Variants in CAMTA1 observed in about 807,000 individuals in gnomAD.
The protein encoded by CAMTA1 is calmodulin-binding transcription activator 1.
Under a neutral mutation model 170.9 loss-of-function variants are expected in CAMTA1, and 27 were observed. The ratio of observed to expected loss-of-function variants is 0.16; its 90% confidence interval spans 0.12 to 0.22. The LOEUF is 0.22. Ranked by LOEUF, CAMTA1 falls within the 10% of genes least tolerant of loss-of-function variation. The pLI is 1.00. For missense variants in CAMTA1, 1,619 were observed against 2,217.2 expected (o/e 0.73, Z 5.42); for synonymous variants, 833 against 891.5 (o/e 0.93, Z 1.17).
intron 3 of CAMTA1, among the ~76,000 whole-genome samples, chr1:6,866,147 A>G (rs886429711): frequency 1.1e-4 from 16 of 152,354 alleles, no homozygotes; most frequent in African/African-American, 3.1e-4. Context: ...GGCAGTATTT[A>G]TCTTAAAGTG....
intron 3 of CAMTA1, among the ~76,000 whole-genome samples, chr1:6,829,312 A>G (rs777223470): frequency 2.6e-5 from 4 of 152,334 alleles, no homozygotes; most frequent in Admixed American, 1.3e-4. Flanking sequence ...CTAAGAAGGT[A>G]AGAGAGATCG....
chr1:7,157,968 A>C (rs1259258047), intron 4 of CAMTA1, among the ~76,000 whole-genome samples: 3 of 152,080 alleles, frequency 2.0e-5, no homozygotes, highest in African/African-American at 4.8e-5. Flanking sequence ...GACCATCCTG[A>C]CTAACACAGT....
At chr1:7,658,097 G>A (rs1294555159) in intron 7 of CAMTA1, among the ~76,000 whole-genome samples, 2 of 152,292 alleles carry the variant, frequency 1.3e-5, no homozygotes, top group Middle Eastern at 3.4e-3. Context: ...CAAGTGGGGT[G>A]TAGCCTGAAG....
rs147080589 is a variant in CAMTA1, at chr1:7,344,206, G to A, written c.438+94580G>A. ...TTGGAGCCGGCCTGAAGGGGCCTGG[G>A]CCTCTTTCTCCCTGTGGAGGCTAAG... On this transcript the variant is annotated intron_variant, in intron 5 of 22. Coordinates refer to ENST00000303635, the MANE Select transcript of CAMTA1 (RefSeq NM_015215.4). Among the ~76,000 whole-genome samples the A allele has an allele frequency of 3.8e-3, 586 of 152,342 alleles. 3 individuals are homozygous for A. The highest frequency in any genetic ancestry group is 0.012 in the African/African-American group (503 of 41,570).
At chr1:7,505,004 C>G (rs192793300) in intron 6 of CAMTA1, among the ~76,000 whole-genome samples, 56 of 149,608 alleles carry the variant, frequency 3.7e-4, no homozygotes, top group African/African-American at 1.2e-3. Flanking sequence ...CGCACAGCCT[C>G]CTTCACGGGC....
In CAMTA1 at chr1:7,748,689, A is replaced by G. The variant is rs900985287; in HGVS notation, c.4689+908A>G. On this transcript the variant is annotated intron_variant, in intron 19 of 22. Coordinates refer to ENST00000303635, the MANE Select transcript of CAMTA1 (RefSeq NM_015215.4). The surrounding 1 kb of genome is among the most constrained non-coding windows in gnomAD (Gnocchi z 4.7). ...TTTAATCTTTGGCCATTTTCCTTTC[A>G]GCTTCTTATCCATTTTAAAATGAAG... Among the ~76,000 whole-genome samples, 4 of 152,198 alleles carry G rather than the reference A, an allele frequency of 2.6e-5. No individual in the cohort carries two copies. Among genetic ancestry groups the G allele is most frequent in the African/African-American group, 9.6e-5 (4 of 41,454 alleles).
intron 5 of CAMTA1, among the ~76,000 whole-genome samples, chr1:7,282,451 C>T (rs1557434150): frequency 6.6e-6 from 1 of 152,190 alleles, no homozygotes; most frequent in Non-Finnish European, 1.5e-5. Flanking sequence ...CAGGGACCAG[C>T]GACTGCCAGT....
rs1420837562 is a variant in CAMTA1 at position 7,544,472 on chromosome 1, AG to A, written c.510+76574del. ...GGAGTCAGGCCATCTCTAACCATTG[AG>A]GGTCTTTGTGCCAGGTCTCACCCTT... On this transcript the variant is annotated intron_variant, in intron 6 of 22. Coordinates refer to ENST00000303635, the MANE Select transcript of CAMTA1 (RefSeq NM_015215.4). Among the ~76,000 whole-genome samples, 11 of 152,176 alleles carry A rather than the reference AG, an allele frequency of 7.2e-5. 1 individual carries two copies. Among genetic ancestry groups the A allele is most frequent in the Non-Finnish European group, 1.6e-4 (11 of 68,032 alleles).
At chr1:6,838,754 A>ATGTT (rs3061927) in intron 3 of CAMTA1, among the ~76,000 whole-genome samples, 47,208 of 151,634 alleles carry the variant, frequency 0.31, 7,539 homozygotes, top group Admixed American at 0.4. Flanking sequence ...CCACAGCATC[A>ATGTT]TGTTTGTTTC....
intron 3 of CAMTA1, among the ~76,000 whole-genome samples, chr1:6,958,161 A>T (rs953749950): frequency 6.6e-6 from 1 of 152,146 alleles, no homozygotes; most frequent in African/African-American, 2.4e-5. Flanking sequence ...CTTCCTGGAG[A>T]ACCTAGCATT....
At chr1:7,526,052 T>A (rs577429249) in intron 6 of CAMTA1, among the ~76,000 whole-genome samples, 9 of 152,220 alleles carry the variant, frequency 5.9e-5, no homozygotes, top group African/African-American at 2.2e-4. Flanking sequence ...ATATTTTTGA[T>A]AATCAAGATT....
At chr1:7,500,898 C>T (rs1211866596) in intron 6 of CAMTA1, among the ~76,000 whole-genome samples, 1 of 152,124 alleles carries the variant, frequency 6.6e-6, no homozygotes, top group Non-Finnish European at 1.5e-5. Flanking sequence ...GGGCTTCATG[C>T]TCAACTGGTC....
intron 3 of CAMTA1, among the ~76,000 whole-genome samples, chr1:6,849,001 C>G (rs1166616279): frequency 6.6e-6 from 1 of 152,076 alleles, no homozygotes; most frequent in Non-Finnish European, 1.5e-5. Context: ...TAGAGTTGCC[C>G]CTGTGGGAAA....
chr1:7,342,200 C>A lies in CAMTA1; in HGVS notation c.438+92574C>A, dbSNP rs189342055. Among the ~76,000 whole-genome samples the A allele has an allele frequency of 1.9e-3, 295 of 152,292 alleles. 1 individual carries two copies. The highest frequency in any genetic ancestry group is 7.0e-3 in the African/African-American group (292 of 41,570). ...GTCTCAGATGGCCTAGGGTGGAGGG[C>A]AGGGTGCTGCACCCACATGACCTCA... is the stretch of plus-strand genomic sequence containing the variant. On this transcript the variant is annotated intron_variant, in intron 5 of 22. Coordinates refer to ENST00000303635, the MANE Select transcript of CAMTA1 (RefSeq NM_015215.4).
intron 4 of CAMTA1, among the ~76,000 whole-genome samples, chr1:7,178,586 G>A (rs1651428288): frequency 6.6e-6 from 1 of 152,120 alleles, no homozygotes; most frequent in Admixed American, 6.5e-5. Flanking sequence ...AAGGGCTGAG[G>A]GCTTTGGTTC....
chr1:7,427,028 C>A (rs2091903163), intron 5 of CAMTA1, among the ~76,000 whole-genome samples: 1 of 152,142 alleles, frequency 6.6e-6, no homozygotes, highest in Non-Finnish European at 1.5e-5. Flanking sequence ...CTAGATGAAT[C>A]TTCCAGAAGC....
At chr1:7,125,202 TG>T (rs1337169722) in intron 4 of CAMTA1, among the ~76,000 whole-genome samples, 1 of 152,136 alleles carries the variant, frequency 6.6e-6, no homozygotes, top group African/African-American at 2.4e-5. Flanking sequence ...ACCACTTGAA[TG>T]GGGCTGCCCT....
At chr1:7,425,037 G>A (rs1285963555) in intron 5 of CAMTA1, among the ~76,000 whole-genome samples, 3 of 152,130 alleles carry the variant, frequency 2.0e-5, no homozygotes, top group African/African-American at 7.2e-5. Context: ...AGACCTGAGA[G>A]CACTGCTTAT....
chr1:6,993,714 T>C (rs1696753034), intron 3 of CAMTA1, among the ~76,000 whole-genome samples: 1 of 152,228 alleles, frequency 6.6e-6, no homozygotes, highest in Non-Finnish European at 1.5e-5. Flanking sequence ...GTATGTTTTT[T>C]TATCTATTGC....
Sources: gnomAD v4.1 joint callset for allele counts (sites outside exome capture counted in the v4.1 genomes callset) on GRCh38, gnomAD v4.1.1 for gene constraint, Gnocchi (gnomAD v3.1) non-coding constraint, MANE v1.5 for transcripts, NCBI Gene and HGNC (gene_info 2026-07-23, HGNC 2026-07-21) for gene names.